TAFA1: variants seen among roughly 807,000 people sequenced by gnomAD.
TAFA1 encodes the protein TAFA chemokine like family member 1, also known as chemokine-like protein TAFA-1.
A neutral mutation model predicts 18.5 loss-of-function variants in TAFA1; 4 were observed. The ratio of observed to expected loss-of-function variants is 0.22; its 90% CI spans 0.11 to 0.49. TAFA1 has a LOEUF of 0.49. Ranked by LOEUF, TAFA1 falls within the 20% of genes least tolerant of loss-of-function variation. The pLI is 0.98. For synonymous variants in TAFA1, 56 were observed against 55.2 expected (o/e 1.01, Z -0.06); for missense variants, 147 against 169.0 (o/e 0.87, Z 0.72).
intron 3 of TAFA1, among the ~76,000 whole-genome samples, chr3:68,424,106 A>G (rs183896825): frequency 3.3e-5 from 5 of 152,252 alleles, no homozygotes; most frequent in East Asian, 1.9e-4. Context: ...AGTTAATACA[A>G]TGAAAAAGTC....
intron 3 of TAFA1, among the ~76,000 whole-genome samples, chr3:68,434,991 G>T (rs997544164): frequency 1.3e-5 from 2 of 152,128 alleles, no homozygotes; most frequent in African/African-American, 4.8e-5. Flanking sequence ...CTGCTTCAAT[G>T]ATTATAAAGT....
chr3:68,068,164 TA>T (rs142384756), intron 2 of TAFA1, among the ~76,000 whole-genome samples: 2 of 152,072 alleles, frequency 1.3e-5, no homozygotes, highest in Non-Finnish European at 2.9e-5. Flanking sequence ...ACTTTTAACT[TA>T]AAAAAAGTTT....
At chr3:68,033,167 C>T (rs539555330) in intron 2 of TAFA1, among the ~76,000 whole-genome samples, 121 of 152,262 alleles carry the variant, frequency 7.9e-4, no homozygotes, top group African/African-American at 2.6e-3. Flanking sequence ...TAATTTTCCA[C>T]GTTTTTCCAT....
intron 2 of TAFA1, among the ~76,000 whole-genome samples, chr3:68,040,152 G>T (rs966325714): frequency 1.3e-5 from 2 of 152,124 alleles, no homozygotes; most frequent in African/African-American, 2.4e-5. Context: ...AATATTTTTG[G>T]GATGATATTC....
intron 3 of TAFA1, among the ~76,000 whole-genome samples, chr3:68,481,911 C>T (rs999075068): frequency 7.9e-5 from 12 of 152,216 alleles, no homozygotes; most frequent in Non-Finnish European, 1.3e-4. Flanking sequence ...TAGTTGCAAT[C>T]TTCTCAAATT....
chr3:68,529,605 G>T (rs888349799), intron 3 of TAFA1, among the ~76,000 whole-genome samples: 3 of 152,148 alleles, frequency 2.0e-5, no homozygotes, highest in African/African-American at 7.2e-5. Context: ...CAGTTCTGCT[G>T]GCTGGAAGAC....
intron 2 of TAFA1, among the ~76,000 whole-genome samples, chr3:68,383,011 G>A (rs752822939): frequency 1.3e-5 from 2 of 152,040 alleles, no homozygotes; most frequent in Non-Finnish European, 2.9e-5. Context: ...CTTGACTATT[G>A]TTGATGTATA....
At chr3:68,519,681 C>T (rs2072987094) in intron 3 of TAFA1, among the ~76,000 whole-genome samples, 1 of 152,092 alleles carries the variant, frequency 6.6e-6, no homozygotes, top group Admixed American at 6.6e-5. Context: ...TGGTGAGGGC[C>T]CTCTTCTGGG....
At chr3:68,191,230 C>A (rs2066336733) in intron 2 of TAFA1, among the ~76,000 whole-genome samples, 2 of 151,604 alleles carry the variant, frequency 1.3e-5, no homozygotes, top group African/African-American at 4.8e-5. Context: ...CTTTGTGGTA[C>A]TTTTTCTTCT....
rs559962376 is a variant in TAFA1 at position 68,297,337 on chromosome 3, G to T, written c.119-119943G>T. 4.9e-4 allele frequency among the ~76,000 whole-genome samples: 74 copies of T among 152,266 alleles called. 3 individuals are homozygous for T. The South Asian group carries it at 0.011, about 23-fold the overall frequency. ...AGCCTATCTTTAATTTTCTACAGAAGCCAACAGTTAGCATGGAACATTCCT... is the reference window on the plus strand; with the variant it reads ...AGCCTATCTTTAATTTTCTACAGAATCCAACAGTTAGCATGGAACATTCCT... On this transcript the variant is annotated intron_variant, in intron 2 of 4. Transcript: ENST00000478136.
At chr3:68,362,784 C>T (rs2069492672) in intron 2 of TAFA1, among the ~76,000 whole-genome samples, 1 of 151,902 alleles carries the variant, frequency 6.6e-6, no homozygotes, top group African/African-American at 2.4e-5. Flanking sequence ...TATCACTCAC[C>T]AGGAAAGAGA....
chr3:68,125,498 G>A (rs529206123), intron 2 of TAFA1, among the ~76,000 whole-genome samples: 3 of 152,312 alleles, frequency 2.0e-5, no homozygotes, highest in Non-Finnish European at 2.9e-5. Flanking sequence ...GCTAAATGAT[G>A]TTCTAAATAC....
At chr3:68,274,052 A>G (rs1048373717) in intron 2 of TAFA1, among the ~76,000 whole-genome samples, 2 of 152,204 alleles carry the variant, frequency 1.3e-5, no homozygotes, top group Non-Finnish European at 2.9e-5. Context: ...CTGCCAAGAA[A>G]TAAGAAATGA....
At position 68,433,720 on chromosome 3, in the gene TAFA1, A is replaced by G. The variant is rs114773496; in HGVS notation, c.259+16300A>G. ...CTATAATCCTAAATTTAAGTTCCCA[A>G]ATCTGAAAACAGGAATTACAAGAAC... On this transcript the variant is annotated intron_variant, in intron 3 of 4. Coordinates refer to ENST00000478136, the MANE Select transcript of TAFA1 (RefSeq NM_213609.4). Among the ~76,000 whole-genome samples, 1,079 of 152,228 alleles carry G rather than the reference A, an allele frequency of 7.1e-3. 13 individuals carry two copies. Among genetic ancestry groups the G allele is most frequent in the African/African-American group, 0.024 (997 of 41,564 alleles).
At chr3:68,133,516 ATTTG>A (rs2065568844) in intron 2 of TAFA1, among the ~76,000 whole-genome samples, 1 of 152,006 alleles carries the variant, frequency 6.6e-6, no homozygotes, top group Admixed American at 6.6e-5. Flanking sequence ...ATGTTTTTCC[ATTTG>A]TTTGTGTCCT....
intron 2 of TAFA1, among the ~76,000 whole-genome samples, chr3:68,165,037 G>A (rs542984754): frequency 6.2e-4 from 95 of 152,276 alleles, no homozygotes; most frequent in African/African-American, 2.1e-3. Context: ...TGAACTCTTT[G>A]CACAGTTGTT....
chr3:68,526,399 C>A (rs1298347648), intron 3 of TAFA1, among the ~76,000 whole-genome samples: 2 of 152,132 alleles, frequency 1.3e-5, no homozygotes, highest in Non-Finnish European at 2.9e-5. Flanking sequence ...AAATACCTTA[C>A]AATCAGTGTA....
At chr3:68,468,631 G>T (rs2071934104) in intron 3 of TAFA1, among the ~76,000 whole-genome samples, 1 of 152,124 alleles carries the variant, frequency 6.6e-6, no homozygotes, top group Non-Finnish European at 1.5e-5. Context: ...AGCCCAAGAG[G>T]GCTCTGAAAT....
intron 2 of TAFA1, among the ~76,000 whole-genome samples, chr3:68,244,792 G>A (rs2067045060): frequency 6.6e-6 from 1 of 152,088 alleles, no homozygotes; most frequent in Non-Finnish European, 1.5e-5. Context: ...CACATTCCCT[G>A]CATTATTAAC....
Sources: gnomAD v4.1 joint callset for allele counts (sites outside exome capture counted in the v4.1 genomes callset) on GRCh38, gnomAD v4.1.1 for gene constraint, MANE v1.5 for transcripts, NCBI Gene and HGNC (gene_info 2026-07-23, HGNC 2026-07-21) for gene names.